Variants in WDR7 observed in about 807,000 individuals in gnomAD.
WDR7 encodes the protein WD repeat-containing protein 7.
WDR7 carries 46 observed loss-of-function variants against 169.4 expected under a neutral mutation model. The ratio of observed to expected loss-of-function variants is 0.27; its 90% CI spans 0.21 to 0.35. WDR7 has a LOEUF of 0.35. Among genes scored for constraint, WDR7 ranks in the 10% least tolerant of loss-of-function variants. The probability of loss-of-function intolerance (pLI) is 1.00; values close to 1 mark genes in which losing one functional copy is unlikely to be tolerated. For synonymous variants in WDR7, 612 were observed against 666.8 expected, an observed-to-expected ratio of 0.92 and a Z score of 1.27; for missense variants, 1,534 against 1,859.3, an observed-to-expected ratio of 0.83 and a Z score of 3.22.
At chr18:56,957,068 G>C (rs2047261084) in intron 25 of WDR7, among the ~76,000 whole-genome samples, 1 of 152,106 alleles carries the variant, frequency 6.6e-6, no homozygotes, top group African/African-American at 2.4e-5. Flanking sequence ...ACAAGGATCT[G>C]TGTACAGTAT....
At chr18:56,855,188 A>G (rs561442468) in intron 20 of WDR7, among the ~76,000 whole-genome samples, 108 of 151,588 alleles carry the variant, frequency 7.1e-4, no homozygotes, top group African/African-American at 2.5e-3. Flanking sequence ...GAGTTTCAAC[A>G]TACGTGTTTC....
intron 14 of WDR7, among the ~76,000 whole-genome samples, chr18:56,749,861 A>T (rs2043761651): frequency 6.6e-6 from 1 of 151,876 alleles, no homozygotes; most frequent in Non-Finnish European, 1.5e-5. Context: ...CAGGTATTTC[A>T]TCAGACATGA....
At chr18:56,834,537 T>A (rs1177128663) in intron 20 of WDR7, among the ~76,000 whole-genome samples, 1 of 152,044 alleles carries the variant, frequency 6.6e-6, no homozygotes, top group Admixed American at 6.6e-5. Flanking sequence ...ATATCTCGTG[T>A]GACCTGATTT....
intron 7 of WDR7, among the ~76,000 whole-genome samples, chr18:56,689,977 T>C (rs1485375928): frequency 6.6e-6 from 1 of 152,148 alleles, no homozygotes; most frequent in African/African-American, 2.4e-5. Context: ...ACTTCAAGGC[T>C]GTATACAAGC....
chr18:56,951,346 G>A (rs1463474148), intron 25 of WDR7, among the ~76,000 whole-genome samples: 3 of 152,144 alleles, frequency 2.0e-5, no homozygotes, highest in Non-Finnish European at 4.4e-5. Context: ...TAAAGAGCCT[G>A]CTCCTAGAAC....
intron 22 of WDR7, among the ~76,000 whole-genome samples, chr18:56,929,351 T>G (rs1262577015): frequency 6.6e-6 from 1 of 152,238 alleles, no homozygotes; most frequent in African/African-American, 2.4e-5. Context: ...CAGTAAACTC[T>G]TGAGTGCTTG....
intron 26 of WDR7, among the ~76,000 whole-genome samples, chr18:57,005,105 C>T (rs1028332286): frequency 6.6e-6 from 1 of 152,132 alleles, no homozygotes; most frequent in African/African-American, 2.4e-5. Flanking sequence ...TGTCAGGCAT[C>T]TTAATGTACA....
At chr18:56,814,462 C>T (rs558648656) in intron 19 of WDR7, among the ~76,000 whole-genome samples, 3 of 151,964 alleles carry the variant, frequency 2.0e-5, no homozygotes, top group Non-Finnish European at 4.4e-5. Context: ...CTTCTCATCT[C>T]CTCTCTGTGA....
At chr18:56,791,881 G>A (rs990747488) in intron 19 of WDR7, among the ~76,000 whole-genome samples, 4 of 152,124 alleles carry the variant, frequency 2.6e-5, no homozygotes, top group Non-Finnish European at 5.9e-5. Flanking sequence ...AGGCAGGAGG[G>A]ATGAGTTTCA....
At chr18:57,006,263 C>A (rs1657404) in intron 26 of WDR7, among the ~76,000 whole-genome samples, 1 of 151,680 alleles carries the variant, frequency 6.6e-6, no homozygotes, top group Admixed American at 6.6e-5. Context: ...AAACAGAGAG[C>A]ATCACAGGAT....
At chr18:56,811,942 C>G (rs74254799) in intron 19 of WDR7, among the ~76,000 whole-genome samples, 4 of 152,168 alleles carry the variant, frequency 2.6e-5, no homozygotes, top group East Asian at 3.9e-4. Context: ...TTGTTTTGTC[C>G]TAATTCCTTT....
chr18:56,978,803 G>A (rs1376809507), intron 26 of WDR7, among the ~76,000 whole-genome samples: 3 of 152,150 alleles, frequency 2.0e-5, no homozygotes, highest in South Asian at 2.1e-4. Context: ...CTTTAATGCA[G>A]GGACACAGGT....
chr18:56,765,180 T>C (rs1355135624), intron 16 of WDR7, among the ~76,000 whole-genome samples: 1 of 152,080 alleles, frequency 6.6e-6, no homozygotes, highest in Non-Finnish European at 1.5e-5. Context: ...TGGGTCTTAT[T>C]TTTTAATCCA....
At chr18:56,739,136 T>C (rs1287705400) in intron 14 of WDR7, among the ~76,000 whole-genome samples, 2 of 152,126 alleles carry the variant, frequency 1.3e-5, no homozygotes, top group African/African-American at 4.8e-5. Flanking sequence ...GATATAGTAG[T>C]GTTTAGATCT....
At chr18:56,807,147 C>CAAAAAA (rs566956902) in intron 19 of WDR7, among the ~76,000 whole-genome samples, 1 of 84,194 alleles carries the variant, frequency 1.2e-5, no homozygotes, top group Non-Finnish European at 2.5e-5. Context: ...TGATCCTAGC[C>CAAAAAA]AAAAAAAAAA....
At chr18:56,970,236 G>GT (rs61311711) in intron 26 of WDR7, among the ~76,000 whole-genome samples, 9,071 of 138,224 alleles carry the variant, frequency 0.066, 289 homozygotes, top group African/African-American at 0.077. Context: ...TTTTTGGTTT[G>GT]TTTTTTTTTT....
At chr18:56,985,067 C>T (rs927142233) in intron 26 of WDR7, among the ~76,000 whole-genome samples, 1 of 152,184 alleles carries the variant, frequency 6.6e-6, no homozygotes, top group African/African-American at 2.4e-5. Flanking sequence ...TATTGCTACT[C>T]AGCTCTGGGA....
At chr18:56,674,616 CA>C (rs1568130061) in intron 2 of WDR7, among the ~76,000 whole-genome samples, 1 of 151,994 alleles carries the variant, frequency 6.6e-6, no homozygotes, top group Non-Finnish European at 1.5e-5. Context: ...CCCATTTTAT[CA>C]GTTGTTTTTT....
At chr18:57,010,560 G>A (rs2048121995) in intron 26 of WDR7, among the ~76,000 whole-genome samples, 1 of 152,096 alleles carries the variant, frequency 6.6e-6, no homozygotes, top group South Asian at 2.1e-4. Context: ...AAAATTGGTG[G>A]TGATCATATA....
Sources: gnomAD v4.1 joint callset for allele counts (sites outside exome capture counted in the v4.1 genomes callset) on GRCh38, gnomAD v4.1.1 for gene constraint, MANE v1.5 for transcripts, NCBI Gene and HGNC (gene_info 2026-07-23, HGNC 2026-07-21) for gene names.